GPC2: variants seen among roughly 807,000 people sequenced by gnomAD.
GPC2 encodes the protein glypican-2.
A neutral mutation model predicts 57.3 loss-of-function variants in GPC2; 42 were observed. That is an observed-to-expected ratio of 0.73 (90% confidence interval 0.57 to 0.95). The LOEUF (loss-of-function observed/expected upper bound fraction) is 0.95. Ranked by LOEUF, GPC2 falls within the 40% of genes least tolerant of loss-of-function variation. The pLI is 0.00. For synonymous variants in GPC2, 364 were observed against 343.4 expected, an observed-to-expected ratio of 1.06 and a Z score of -0.66; for missense variants, 745 against 793.6, an observed-to-expected ratio of 0.94 and a Z score of 0.74.
In GPC2 at chr7:100,170,201, C is replaced by T; in HGVS notation, c.*29G>A. On this transcript the variant is annotated 3_prime_UTR_variant, in exon 10 of 10. Coordinates refer to ENST00000292377, the MANE Select transcript of GPC2 (RefSeq NM_152742.3). ...GGGAGGAGGGGAAAGGGCCATGAAC[C>T]CTTCTGATGCTAGGGCACCCCTCCC... 1 of 1,526,964 alleles carries T rather than the reference C, an allele frequency of 6.5e-7. No individual in the cohort carries two copies. The highest frequency in any genetic ancestry group is 1.9e-4 in the Middle Eastern group (1 of 5,178). 94.6% of individuals were successfully genotyped at this position (1,526,964 alleles called of 1,614,324 possible).
In GPC2 at chr7:100,171,261, C is replaced by CCGCGTCCTG; in HGVS notation, c.1477_1485dup (p.Gln493_Ala495dup). The CCGCGTCCTG allele has an allele frequency of 6.5e-7, 1 of 1,531,600 alleles. No individual in the cohort carries two copies. The highest frequency in any genetic ancestry group is 8.8e-7 in the Non-Finnish European group (1 of 1,138,182). The allele number at this position is 1,531,600 out of a possible 1,614,324, so 94.9% of individuals were successfully genotyped here. A position where few individuals can be genotyped will look rare whatever the true frequency, so the allele number is the denominator to read the frequency against. On this transcript the variant is annotated inframe_insertion and splice_region_variant, in exon 9 of 10. Coordinates refer to ENST00000292377, the MANE Select transcript of GPC2 (RefSeq NM_152742.3). The surrounding 1 kb of genome is among the most constrained non-coding windows in gnomAD (Gnocchi z 4.8). Reference sequence around the variant, plus strand: ...AGGCTCAGGGATGCAGGGGTCTCACCCGCGTCCTGCCCGTCCAGGTCGTGT... The same window carrying CCGCGTCCTG: ...AGGCTCAGGGATGCAGGGGTCTCACCCGCGTCCTGCGCGTCCTGCCCGTCCAGGTCGTGT...
chr7:100,173,716 G>T (rs2116985784), intron 5 of GPC2, 119 bp downstream of exon 5: 4 of 573,264 alleles, frequency 7.0e-6, no homozygotes, highest in East Asian at 3.2e-5. Flanking sequence ...TAGCTATGTT[G>T]CCCCAGCTGG....
chr7:100,174,473 G>C, intron 4 of GPC2: 1 of 655,520 alleles, frequency 1.5e-6, no homozygotes, highest in East Asian at 2.8e-5. Flanking sequence ...GGTCCACAGA[G>C]GGGAGGAGGG....
In GPC2 at chr7:100,171,304, C is replaced by A. The variant is rs1298482773; in HGVS notation, c.1443G>T (p.Met481Ile). 1 of 1,539,396 alleles carries A rather than the reference C, an allele frequency of 6.5e-7. No individual in the cohort carries two copies. The highest frequency in any genetic ancestry group is 2.0e-5 in the Admixed American group (1 of 50,756). Residue 481 changes from methionine (M) to isoleucine (I), a missense_variant, in exon 9 of 10, where the codon ATG becomes ATT. This residue lies in a region of GPC2 where 607 missense variants were observed against 603.9 expected (regional missense o/e 1.01). Coordinates refer to ENST00000292377, the MANE Select transcript of GPC2 (RefSeq NM_152742.3). The surrounding 1 kb of genome is among the most constrained non-coding windows in gnomAD (Gnocchi z 4.8). The part of the protein sequence containing the change: ...RLQLRAATAR[M>I]KTAALGHDLD... ...GGTCGTGTCCCAGTGCGGCCGTTTT[C>A]ATTCTGGCCGTGGCCGCCCGGAGCT... is the stretch of plus-strand genomic sequence containing the variant.
chr7:100,176,341 T>G lies in GPC2; in HGVS notation c.191A>C (p.Gln64Pro), dbSNP rs1243786146. ...CTCACTGGAACAGCAGGTGTACTCC[T>G]GGGGACAGACCCGGAGGTGCTCACC... is the stretch of plus-strand genomic sequence containing the variant. Reference protein sequence around the residue: ...ISGEHLRVCPQEYTCCSSETE... With the variant: ...ISGEHLRVCPPEYTCCSSETE... The change falls in exon 2 of 10, where the codon CAG (glutamine) becomes CCG (proline). Residue 64 changes from glutamine (Q) to proline (P), a missense_variant. By Grantham distance (76) the Gln-to-Pro change is moderately conservative (BLOSUM62 -1). Transcript: ENST00000292377. 7 of 1,613,872 alleles carry G rather than the reference T, an allele frequency of 4.3e-6. No individual in the cohort carries two copies. The African/African-American group carries it at 8.0e-5, about 18-fold the overall frequency.
At chr7:100,172,316 GTGTT>G (rs1455202733) in intron 5 of GPC2, 99 bp from the exon 6 acceptor site, 2 of 1,324,848 alleles carry the variant, frequency 1.5e-6, no homozygotes, top group African/African-American at 2.9e-5. Flanking sequence ...AAGCAGCAAA[GTGTT>G]TGGGGGAAAC....
Position 100,173,993 on chromosome 7 carries a change from G to C in GPC2, c.734C>G (p.Pro245Arg). ...RNVVSEALKV[P>R]VSEGCSQALM... is the part of the protein sequence containing the mutation. ...AGCCTGGCTGCAGCCTTCAGACACC[G>C]GCACCTGGGGGCAGAGAGTGGGGCT... The change falls in exon 5 of 10, where the codon CCG becomes CGG. Residue 245 changes from proline (P) to arginine (R), a missense_variant. Around this residue, in one of 2 missense-constraint regions of GPC2, gnomAD observed 607 missense variants for 603.9 expected, o/e 1.01. Coordinates refer to ENST00000292377, the MANE Select transcript of GPC2 (RefSeq NM_152742.3). The C allele has an allele frequency of 6.4e-7, 1 of 1,568,238 alleles. No homozygotes were observed. The highest frequency in any genetic ancestry group is 8.6e-7 in the Non-Finnish European group (1 of 1,157,928).
chr7:100,170,351 C>A lies in GPC2; in HGVS notation c.1619G>T (p.Gly540Val). Residue 540 changes from glycine to valine, a missense_variant, in exon 10 of 10, where the codon GGA becomes GTA. This residue lies in a region of GPC2 where 607 missense variants were observed against 603.9 expected (regional missense o/e 1.01). Transcript: ENST00000292377. The part of the protein sequence containing the change: ...PRRDGSGGKG[G>V]GGSARYNQGR... ...CTGGTTGTAGCGGGCACTGCCACCTCCTCCTTTGCCCCCAGAACCATCCCT... is the reference window on the plus strand; with the variant it reads ...CTGGTTGTAGCGGGCACTGCCACCTACTCCTTTGCCCCCAGAACCATCCCT... 6.2e-7 allele frequency: 1 copy of A among 1,613,406 alleles called. No individual in the cohort carries two copies. The highest frequency in any genetic ancestry group is 1.1e-5 in the South Asian group (1 of 90,846).
At chr7:100,173,707 A>G (rs1341588895) in intron 5 of GPC2, 128 bp downstream of exon 5, 8 of 522,866 alleles carry the variant, frequency 1.5e-5, no homozygotes, top group Non-Finnish European at 2.6e-5. Context: ...GATGACGTCT[A>G]GCTATGTTGC....
Position 100,172,107 on chromosome 7 carries a change from T to C in GPC2, c.1003A>G (p.Ser335Gly). The C allele has an allele frequency of 6.2e-7, 1 of 1,613,988 alleles. No individual in the cohort carries two copies. The highest frequency in any genetic ancestry group is 8.5e-7 in the Non-Finnish European group (1 of 1,179,978). Residue 335 changes from serine (S) to glycine (G), a missense_variant, in exon 6 of 10, where the codon AGT becomes GGT. This residue lies in a region of GPC2 where 607 missense variants were observed against 603.9 expected (regional missense o/e 1.01). Coordinates refer to ENST00000292377, the MANE Select transcript of GPC2 (RefSeq NM_152742.3). ...TGTACCTGGGCGGACACCTTCGCAC[T>C]GTTTTCCTGCAGGTACATCAAACCC... ...SEGLMYLQEN[S>G]AKVSAQVFQE...
intron 4 of GPC2, chr7:100,174,469 C>T (rs1799235514): frequency 1.5e-6 from 1 of 649,448 alleles, no homozygotes; most frequent in Non-Finnish European, 2.8e-6. Flanking sequence ...TATGGGTCCA[C>T]AGAGGGGAGG....
At chr7:100,176,608 A>G (rs1799289325) in intron 1 of GPC2, among the ~76,000 whole-genome samples, 1 of 152,190 alleles carries the variant, frequency 6.6e-6, no homozygotes, top group South Asian at 2.1e-4. Flanking sequence ...GTCAGTGGTC[A>G]GAGTGTCCTC....
chr7:100,176,043 G>A, intron 2 of GPC2, 149 bp from the exon 3 acceptor site: 1 of 810,406 alleles, frequency 1.2e-6, no homozygotes, highest in Non-Finnish European at 1.9e-6. Context: ...GGCAGACAGG[G>A]AATGGGGGAG....
rs1287643660 is a variant in GPC2, at chr7:100,175,607, G to A, written c.613C>T (p.Pro205Ser). The A allele has an allele frequency of 1.2e-6, 2 of 1,613,308 alleles. No homozygotes were observed. Among genetic ancestry groups the A allele is most frequent in the Non-Finnish European group, 1.7e-6 (2 of 1,179,670 alleles). ...AGGCGGCGGGGTGAGTCCCCAAAGG[G>A]CTGCAGAGAGCCATCGGTAGATGAG... ...LASSTDGSLQ[P>S]FGDSPRRLRL... is the part of the protein sequence containing the mutation. Residue 205 changes from proline to serine, a missense_variant, in exon 3 of 10, where the codon CCC becomes TCC. Around this residue, in one of 2 missense-constraint regions of GPC2, gnomAD observed 607 missense variants for 603.9 expected, o/e 1.01. Coordinates refer to ENST00000292377, the MANE Select transcript of GPC2 (RefSeq NM_152742.3).
chr7:100,172,017 C>A, intron 6 of GPC2, 70 bp downstream of exon 6: 2 of 1,597,344 alleles, frequency 1.3e-6, no homozygotes. Context: ...CCCAGATCCC[C>A]TATACTGCCT....
chr7:100,173,559 C>G (rs375104449), intron 5 of GPC2: 7 of 212,720 alleles, frequency 3.3e-5, no homozygotes, highest in Non-Finnish European at 6.4e-5. Flanking sequence ...ACTACAGGCG[C>G]GGGCGCTACC....
chr7:100,172,721 A>G (rs1584630656), intron 5 of GPC2, among the ~76,000 whole-genome samples: 3 of 143,344 alleles, frequency 2.1e-5, no homozygotes, highest in African/African-American at 5.4e-5. Context: ...GTATATATAC[A>G]CGTATATATA....
rs1799316963 is a variant in GPC2 at position 100,177,194 on chromosome 7, G to A, written c.6C>T (p.Ser2=). Residue 2 remains serine, a synonymous_variant, in exon 1 of 10, where the codon TCC becomes TCT. Transcript: ENST00000292377. ...GCAGAAGCAGGAGAGGTCGCAGCGC[G>A]GACATAACTGCAGCCACCCCAGGAC... is the stretch of plus-strand genomic sequence containing the variant. M[S]ALRPLLLLLL... The A allele has an allele frequency of 6.2e-7, 1 of 1,612,192 alleles. No homozygotes were observed. Among genetic ancestry groups the A allele is most frequent in the African/African-American group, 1.3e-5 (1 of 74,890 alleles).
chr7:100,174,293 G>T (rs1799232969), intron 4 of GPC2: 1 of 516,992 alleles, frequency 1.9e-6, no homozygotes, highest in African/African-American at 1.9e-5. Context: ...AGAAGGTGAG[G>T]CTGGGAGGTC....
Sources: allele counts gnomAD v4.1 joint callset (sites outside exome capture counted in the v4.1 genomes callset), GRCh38; gene constraint gnomAD v4.1.1; regional missense constraint gnomAD v4.1.1; non-coding constraint Gnocchi (gnomAD v3.1); transcripts MANE v1.5; gene names NCBI Gene and HGNC (gene_info 2026-07-23, HGNC 2026-07-21).